The following LINGO2 variants were observed in gnomAD, a reference collection of about 807,000 sequenced individuals.
The protein encoded by LINGO2 is leucine rich repeat and Ig domain containing 2.
Under a neutral mutation model 30.6 loss-of-function variants are expected in LINGO2, and 14 were observed. The observed-to-expected ratio is 0.46, with a 90% CI of 0.30 to 0.72. The LOEUF is 0.72. Ranked by LOEUF, LINGO2 falls within the 30% of genes least tolerant of loss-of-function variation. The pLI is 0.07. For synonymous variants in LINGO2, 317 were observed against 288.5 expected, an observed-to-expected ratio of 1.10 and a Z score of -1.00; for missense variants, 729 against 751.7, an observed-to-expected ratio of 0.97 and a Z score of 0.35.
At chr9:28,237,904 T>C (rs892240479) in intron 4 of LINGO2, among the ~76,000 whole-genome samples, 1 of 151,798 alleles carries the variant, frequency 6.6e-6, no homozygotes, top group African/African-American at 2.4e-5. Context: ...CTGATAAATA[T>C]GCACATAGAT....
the LINGO2 span, among the ~76,000 whole-genome samples, chr9:29,033,403 T>TATATA: frequency 1.3e-5 from 2 of 149,998 alleles, no homozygotes; most frequent in Non-Finnish European, 1.5e-5. Flanking sequence ...TATATATCTC[T>TATATA]TCTATATAAA....
At chr9:28,186,675 A>T (rs10812753) in intron 4 of LINGO2, among the ~76,000 whole-genome samples, 49,739 of 151,844 alleles carry the variant, frequency 0.33, 8,931 homozygotes, top group East Asian at 0.48. Context: ...TGAAGACTTC[A>T]ATGAGTAGAG....
At chr9:28,107,582 T>C (rs1219546464) in intron 4 of LINGO2, among the ~76,000 whole-genome samples, 1 of 152,168 alleles carries the variant, frequency 6.6e-6, no homozygotes, top group East Asian at 1.9e-4. Flanking sequence ...ACTGCTGCTT[T>C]AGTTCCAATA....
chr9:28,181,112 A>G (rs1355069219), intron 4 of LINGO2, among the ~76,000 whole-genome samples: 1 of 152,096 alleles, frequency 6.6e-6, no homozygotes, highest in Non-Finnish European at 1.5e-5. Flanking sequence ...AAAAGAGATG[A>G]ATGGGGCTGA....
the LINGO2 span, among the ~76,000 whole-genome samples, chr9:28,722,817 C>A: frequency 1.3e-5 from 2 of 152,092 alleles, no homozygotes; most frequent in Admixed American, 6.6e-5. Flanking sequence ...TGCTGTTTGC[C>A]AGCCTTGTGA....
the LINGO2 span, among the ~76,000 whole-genome samples, chr9:28,840,036 C>A: frequency 6.6e-6 from 1 of 152,002 alleles, no homozygotes; most frequent in African/African-American, 2.4e-5. Flanking sequence ...CAATAGCCCC[C>A]GGGCTCAGCC....
At chr9:29,119,073 C>A in the LINGO2 span, among the ~76,000 whole-genome samples, 2 of 152,126 alleles carry the variant, frequency 1.3e-5, no homozygotes, top group African/African-American at 4.8e-5. Flanking sequence ...CCTGAAGCAA[C>A]CTGTGACCTA....
At chr9:28,720,315 A>G in the LINGO2 span, among the ~76,000 whole-genome samples, 1,577 of 152,182 alleles carry the variant, frequency 0.01, 31 homozygotes, top group East Asian at 0.084. Context: ...GATGTTTCTG[A>G]ACTGTTTGTG....
At chr9:28,639,934 G>A (rs1294476214) in intron 1 of LINGO2, among the ~76,000 whole-genome samples, 1 of 152,064 alleles carries the variant, frequency 6.6e-6, no homozygotes, top group Non-Finnish European at 1.5e-5. Flanking sequence ...TTTACAATTT[G>A]GCATGTTTTT....
At chr9:28,751,549 C>T in the LINGO2 span, among the ~76,000 whole-genome samples, 4 of 151,940 alleles carry the variant, frequency 2.6e-5, 1 homozygote, top group African/African-American at 9.7e-5. Flanking sequence ...TATCTCTTGG[C>T]ATATTATTTA....
At chr9:27,939,817 A>G in the LINGO2 span, 3 of 152,322 alleles carry the variant, frequency 2.0e-5, no homozygotes, top group South Asian at 2.1e-4. Context: ...AATAATATGA[A>G]TAGTGATGCT....
chr9:28,343,945 C>A (rs966170444), intron 3 of LINGO2, among the ~76,000 whole-genome samples: 3 of 152,196 alleles, frequency 2.0e-5, no homozygotes, highest in African/African-American at 7.2e-5. Context: ...GCCTTTCTTG[C>A]TCAAATGTCT....
chr9:28,997,611 C>T, the LINGO2 span, among the ~76,000 whole-genome samples: 1 of 152,126 alleles, frequency 6.6e-6, no homozygotes, highest in South Asian at 2.1e-4. Flanking sequence ...ATCACGAGGT[C>T]AGGAGATCGA....
chr9:28,902,628 C>T, the LINGO2 span, among the ~76,000 whole-genome samples: 19 of 152,058 alleles, frequency 1.2e-4, no homozygotes, highest in Admixed American at 1.2e-3. Context: ...ATAGATAATA[C>T]ACTGGGACAG....
At chr9:28,456,250 T>C (rs1255360187) in intron 2 of LINGO2, among the ~76,000 whole-genome samples, 2 of 152,204 alleles carry the variant, frequency 1.3e-5, no homozygotes, top group African/African-American at 4.8e-5. Flanking sequence ...TGGTTAGTAC[T>C]AAGACCAAGA....
intron 1 of LINGO2, among the ~76,000 whole-genome samples, chr9:28,664,058 A>G (rs1284469303): frequency 6.6e-6 from 1 of 152,230 alleles, no homozygotes; most frequent in African/African-American, 2.4e-5. Context: ...AAATATTTAT[A>G]TCGAGAGAGG....
At chr9:29,187,780 A>ATTTTTTTTTTTT in the LINGO2 span, among the ~76,000 whole-genome samples, 5 of 118,830 alleles carry the variant, frequency 4.2e-5, no homozygotes, top group East Asian at 2.4e-4. Context: ...ATACATTTCA[A>ATTTTTTTTTTTT]TTTTTTTTTT....
the LINGO2 span, among the ~76,000 whole-genome samples, chr9:28,767,965 G>C: frequency 1.2e-4 from 19 of 152,136 alleles, no homozygotes; most frequent in Middle Eastern, 3.4e-3. Context: ...AAAATATTTA[G>C]TTTCCTCTCC....
At chr9:28,168,690 A>G (rs139625153) in intron 4 of LINGO2, among the ~76,000 whole-genome samples, 1 of 152,272 alleles carries the variant, frequency 6.6e-6, no homozygotes, top group African/African-American at 2.4e-5. Flanking sequence ...CTAAAGGTAC[A>G]TGCAAATGAT....
Sources: allele counts gnomAD v4.1 joint callset (sites outside exome capture counted in the v4.1 genomes callset), GRCh38; gene constraint gnomAD v4.1.1; transcripts MANE v1.5; gene names NCBI Gene and HGNC (gene_info 2026-07-23, HGNC 2026-07-21).